The following MAN2A1 variants were observed in gnomAD, a reference collection of about 807,000 sequenced individuals.
MAN2A1 encodes alpha-mannosidase 2.
A neutral mutation model predicts 142.6 loss-of-function variants in MAN2A1; 76 were observed. The ratio of observed to expected loss-of-function variants is 0.53; its 90% confidence interval spans 0.44 to 0.65. The LOEUF (loss-of-function observed/expected upper bound fraction) is 0.65. Among genes scored for constraint, MAN2A1 ranks in the 30% least tolerant of loss-of-function variants. MAN2A1 has a pLI of 0.00. For synonymous variants in MAN2A1, 559 were observed against 473.2 expected (o/e 1.18, Z -2.35); for missense variants, 1,311 against 1,365.1 (o/e 0.96, Z 0.62).
At chr5:109,701,549 A>G (rs1008601349) in intron 1 of MAN2A1, among the ~76,000 whole-genome samples, 1 of 152,178 alleles carries the variant, frequency 6.6e-6, no homozygotes, top group Non-Finnish European at 1.5e-5. Flanking sequence ...TTAATTTTGT[A>G]GAAAATTTCA....
intron 12 of MAN2A1, among the ~76,000 whole-genome samples, chr5:109,801,490 C>G (rs776551476): frequency 1.5e-4 from 23 of 152,086 alleles, no homozygotes; most frequent in Non-Finnish European, 1.8e-4. Flanking sequence ...GTTTTTTAAG[C>G]TATGACTGTT....
At chr5:109,780,719 G>A (rs1704256958) in intron 8 of MAN2A1, among the ~76,000 whole-genome samples, 1 of 152,076 alleles carries the variant, frequency 6.6e-6, no homozygotes, top group Admixed American at 6.5e-5. Flanking sequence ...TCATAAAAAC[G>A]AATTTCTTAC....
intron 20 of MAN2A1, chr5:109,862,402 A>G (rs1233410627): frequency 6.6e-6 from 1 of 152,188 alleles, no homozygotes; most frequent in Non-Finnish European, 1.5e-5. Context: ...TCTCTGTGCA[A>G]CTTTAGAATA....
At chr5:109,831,053 T>A (rs1443620919) in intron 16 of MAN2A1, among the ~76,000 whole-genome samples, 1 of 152,192 alleles carries the variant, frequency 6.6e-6, no homozygotes, top group African/African-American at 2.4e-5. Context: ...GGCTCAGAGT[T>A]GAGACTCCAG....
intron 12 of MAN2A1, among the ~76,000 whole-genome samples, chr5:109,812,522 T>A (rs1754347109): frequency 6.6e-6 from 1 of 152,188 alleles, no homozygotes. Flanking sequence ...TGTATAAAGC[T>A]TAATGTTTTT....
chr5:109,820,080 T>C (rs1754583469), intron 14 of MAN2A1, 140 bp from the exon 15 acceptor site: 2 of 819,960 alleles, frequency 2.4e-6, no homozygotes, highest in Non-Finnish European at 3.8e-6. Flanking sequence ...TGGGTGGCGC[T>C]ACTCCGTGGT....
Position 109,690,414 on chromosome 5 carries a change from GA to G in MAN2A1, c.1del, listed in dbSNP as rs2112529519. The G allele has an allele frequency of 6.2e-7, 1 of 1,614,088 alleles. No individual in the cohort carries two copies. The highest frequency in any genetic ancestry group is 8.5e-7 in the Non-Finnish European group (1 of 1,179,928). On this transcript the variant is annotated 5_prime_UTR_variant, in exon 1 of 22. Coordinates refer to ENST00000261483, the MANE Select transcript of MAN2A1 (RefSeq NM_002372.4). Reference sequence around the variant, plus strand: ...GTGTCCTGGCCCCGAGTCTATCGAGGAAAATGAAGTTAAGCCGCCAGTTCAC... The same window carrying G: ...GTGTCCTGGCCCCGAGTCTATCGAGGAAATGAAGTTAAGCCGCCAGTTCAC...
chr5:109,708,509 G>GAGACACACACACACACACAC lies in MAN2A1; in HGVS notation c.136-5010_136-5009insGACACACACACACACACACA, dbSNP rs1554072321. Among the ~76,000 whole-genome samples the GAGACACACACACACACACAC allele has an allele frequency of 1.3e-3, 156 of 124,608 alleles. 1 individual carries two copies. Among genetic ancestry groups the GAGACACACACACACACACAC allele is most frequent in the African/African-American group, 4.8e-3 (154 of 31,950 alleles). The allele number at this position is 124,608 out of a possible 152,430, so 81.7% of individuals were successfully genotyped here. ...TTCTCCAGAAAGACAGAACTGATAG[G>GAGACACACACACACACACAC]ACACACACACACACACACACACACA... On this transcript the variant is annotated intron_variant, in intron 1 of 21. Transcript: ENST00000261483.
chr5:109,805,620 G>A (rs1754144732), intron 12 of MAN2A1, among the ~76,000 whole-genome samples: 1 of 152,108 alleles, frequency 6.6e-6, no homozygotes. Context: ...AGAGTCAGAG[G>A]ACTGATTCTA....
At chr5:109,733,656 G>T (rs1490105954) in intron 4 of MAN2A1, among the ~76,000 whole-genome samples, 1 of 151,948 alleles carries the variant, frequency 6.6e-6, no homozygotes, top group African/African-American at 2.4e-5. Flanking sequence ...TTATATGCTG[G>T]ATTACATTTA....
rs776810617 is a variant in MAN2A1, at chr5:109,846,007, G to T, written c.2842+1G>T. The T allele has an allele frequency of 1.9e-6, 3 of 1,609,296 alleles. No homozygotes were observed. Among genetic ancestry groups the T allele is most frequent in the Non-Finnish European group, 2.5e-6 (3 of 1,177,720 alleles). On this transcript the variant is annotated splice_donor_variant, in intron 18 of 21. Coordinates refer to ENST00000261483, the MANE Select transcript of MAN2A1 (RefSeq NM_002372.4). LOFTEE classifies it high-confidence loss of function. ...TTAGGGGTTTCGAGTTTGAATAGTGGTATGTATTGCTTACACTCTTTTCCA... is the reference window on the plus strand; with the variant it reads ...TTAGGGGTTTCGAGTTTGAATAGTGTTATGTATTGCTTACACTCTTTTCCA...
At chr5:109,864,921 T>A (rs1755840980) in intron 20 of MAN2A1, 115 bp from the exon 21 acceptor site, 1 of 744,744 alleles carries the variant, frequency 1.3e-6, no homozygotes, top group African/African-American at 1.7e-5. Context: ...TTTGCCTAAC[T>A]TTCTTGCTAA....
At chr5:109,849,713 TG>T (rs1231647090) in intron 19 of MAN2A1, among the ~76,000 whole-genome samples, 56 of 149,562 alleles carry the variant, frequency 3.7e-4, no homozygotes, top group Admixed American at 3.5e-3. Flanking sequence ...TTTTTTTTTT[TG>T]TTTTTTTTCA....
At chr5:109,717,205 T>C (rs1447446825) in intron 3 of MAN2A1, among the ~76,000 whole-genome samples, 6 of 152,226 alleles carry the variant, frequency 3.9e-5, no homozygotes, top group Non-Finnish European at 7.3e-5. Flanking sequence ...TTTTTTTCTT[T>C]GCTTCCAGCA....
chr5:109,729,235 T>C lies in MAN2A1; in HGVS notation c.536-107T>C. On this transcript the variant is annotated intron_variant, in intron 3 of 21. Transcript: ENST00000261483. Reference sequence around the variant, plus strand: ...CACCTGTTAAATTTAAAAATATGTCTATGAATGAAAATTCTAACGATGTCC... The same window carrying C: ...CACCTGTTAAATTTAAAAATATGTCCATGAATGAAAATTCTAACGATGTCC... 6.3e-6 allele frequency: 4 copies of C among 639,880 alleles called. No homozygotes were observed. In the South Asian group the frequency reaches 9.5e-5, roughly 15 times the overall value. The allele number at this position is 639,880 out of a possible 1,614,324, so 39.6% of individuals were successfully genotyped here.
At chr5:109,812,153 A>C (rs1754337055) in intron 12 of MAN2A1, among the ~76,000 whole-genome samples, 1 of 152,174 alleles carries the variant, frequency 6.6e-6, no homozygotes, top group Admixed American at 6.5e-5. Flanking sequence ...TTTTCTAAAC[A>C]TTTTATAATT....
rs35796131 is a variant in MAN2A1 at position 109,735,878 on chromosome 5, G to GTTTTT, written c.707+6382_707+6386dup. Among the ~76,000 whole-genome samples the GTTTTT allele has an allele frequency of 5.1e-4, 50 of 98,384 alleles. 1 individual carries two copies. The highest frequency in any genetic ancestry group is 1.1e-3 in the African/African-American group (27 of 24,010). 64.5% of individuals were successfully genotyped at this position (98,384 alleles called of 152,430 possible). A position where few individuals can be genotyped will look rare whatever the true frequency, so the allele number is the denominator to read the frequency against. ...TTGACTTTTTATAATTTCCATTGGA[G>GTTTTT]TTTTTTTTTTTTTTTTTTTTTCCCT... On this transcript the variant is annotated intron_variant, in intron 4 of 21. Coordinates refer to ENST00000261483, the MANE Select transcript of MAN2A1 (RefSeq NM_002372.4).
intron 4 of MAN2A1, among the ~76,000 whole-genome samples, chr5:109,749,408 G>GT (rs1417097320): frequency 6.6e-6 from 1 of 152,086 alleles, no homozygotes; most frequent in Non-Finnish European, 1.5e-5. Flanking sequence ...TAAGCTTTCT[G>GT]TATCAAATTT....
intron 4 of MAN2A1, among the ~76,000 whole-genome samples, chr5:109,749,423 T>A (rs1012636735): frequency 1.3e-5 from 2 of 152,158 alleles, no homozygotes; most frequent in African/African-American, 4.8e-5. Flanking sequence ...AAATTTCTCA[T>A]CATTGAAATA....
Sources: allele counts gnomAD v4.1 joint callset (sites outside exome capture counted in the v4.1 genomes callset), GRCh38; gene constraint gnomAD v4.1.1; transcripts MANE v1.5; gene names NCBI Gene and HGNC (gene_info 2026-07-23, HGNC 2026-07-21).